SMAD9: variants seen among roughly 807,000 people sequenced by gnomAD.
SMAD9 encodes SMAD family member 9.
In SMAD9, 36 loss-of-function variants were observed where a neutral mutation model predicts 46.1. That is an observed-to-expected ratio of 0.78 (90% CI 0.60 to 1.03). SMAD9 has a LOEUF of 1.03. Among genes scored for constraint, SMAD9 ranks in the 50% least tolerant of loss-of-function variants. The pLI, the probability that SMAD9 is intolerant of heterozygous loss-of-function variation, is 0.00. For synonymous variants in SMAD9, 245 were observed against 237.1 expected, an observed-to-expected ratio of 1.03 and a Z score of -0.31; for missense variants, 572 against 599.8, an observed-to-expected ratio of 0.95 and a Z score of 0.48.
intron 1 of SMAD9, among the ~76,000 whole-genome samples, chr13:36,882,103 TG>T (rs1555241880): frequency 6.6e-6 from 1 of 152,260 alleles, no homozygotes; most frequent in African/African-American, 2.4e-5. Context: ...GTGAAATCAA[TG>T]AATTGGAACA....
intron 3 of SMAD9, among the ~76,000 whole-genome samples, chr13:36,869,332 C>T (rs547634989): frequency 2.6e-5 from 4 of 152,034 alleles, no homozygotes; most frequent in South Asian, 4.2e-4. Flanking sequence ...AAGCGATTCT[C>T]GTGCCTCAGT....
intron 1 of SMAD9, among the ~76,000 whole-genome samples, chr13:36,883,391 T>C (rs1279419402): frequency 6.6e-6 from 1 of 152,134 alleles, no homozygotes; most frequent in Non-Finnish European, 1.5e-5. Flanking sequence ...GGGCGGAAAG[T>C]CTGGAAAGAT....
rs150572172 is a variant in SMAD9, at chr13:36,872,773, C to T, written c.555G>A (p.Pro185=). The T allele has an allele frequency of 5.9e-5, 95 of 1,613,802 alleles. No individual in the cohort carries two copies. Among genetic ancestry groups the T allele is most frequent in the Middle Eastern group, 1.6e-4 (1 of 6,084 alleles). The stretch of plus-strand genomic sequence containing the variant: ...TGGGTGAGGGAGGGAGTGCAGAGCA[C>T]GGAGGCTGCTGGAAAGAGTCAGGAT... ...ATYPDSFQQP[P]CSALPPSPSH... The change falls in exon 3 of 7, where the codon CCG becomes CCA. Residue 185 remains proline (P), a synonymous_variant. Coordinates refer to ENST00000379826, the MANE Select transcript of SMAD9 (RefSeq NM_001127217.3).
At chr13:36,909,381 A>G (rs2058642558) in intron 1 of SMAD9, among the ~76,000 whole-genome samples, 1 of 152,238 alleles carries the variant, frequency 6.6e-6, no homozygotes, top group African/African-American at 2.4e-5. Context: ...CATTTCAGTG[A>G]TAAGCCAACA....
chr13:36,911,615 T>TGGGGGGG (rs11322701), intron 1 of SMAD9, among the ~76,000 whole-genome samples: 26 of 84,332 alleles, frequency 3.1e-4, no homozygotes, highest in Non-Finnish European at 5.6e-4. Context: ...AAAGGCTGCC[T>TGGGGGGG]GGGGGGGGGG....
intron 2 of SMAD9, 47 bp downstream of exon 2, chr13:36,879,231 C>T (rs775795976): frequency 3.9e-6 from 6 of 1,542,130 alleles, no homozygotes; most frequent in Non-Finnish European, 5.4e-6. Flanking sequence ...ATGGGGCACA[C>T]GACCTTCACT....
Position 36,859,400 on chromosome 13 carries a change from C to T in SMAD9, c.1004-5725G>A, listed in dbSNP as rs553465301. ...AGACCTACTGGGCTGCATTCCCAGA[C>T]GGGTAGGCATTCTAAGTCATAGGAT... On this transcript the variant is annotated intron_variant, in intron 5 of 6. Transcript: ENST00000379826. 5.3e-5 allele frequency among the ~76,000 whole-genome samples: 8 copies of T among 152,220 alleles called. No individual in the cohort carries two copies. In the East Asian group the frequency reaches 5.8e-4, roughly 11 times the overall value.
Position 36,879,818 on chromosome 13 carries a change from A to G in SMAD9, c.-129T>C. The G allele has an allele frequency of 9.8e-7, 1 of 1,017,770 alleles. No homozygotes were observed. Among genetic ancestry groups the G allele is most frequent in the African/African-American group, 1.6e-5 (1 of 63,384 alleles). 63.0% of individuals were successfully genotyped at this position (1,017,770 alleles called of 1,614,324 possible). The stretch of plus-strand genomic sequence containing the variant: ...CGTTCTTCTGGGAGCAGCTGGGACC[A>G]ATTCAAGTTGCGAAGTGTGTTGACT... On this transcript the variant is annotated 5_prime_UTR_variant, in exon 2 of 7. Transcript: ENST00000379826.
chr13:36,856,611 G>T (rs2058127954), intron 5 of SMAD9, among the ~76,000 whole-genome samples: 1 of 152,146 alleles, frequency 6.6e-6, no homozygotes, highest in Non-Finnish European at 1.5e-5. Flanking sequence ...AGTCAAGTAG[G>T]CCAACAATGT....
intron 6 of SMAD9, among the ~76,000 whole-genome samples, chr13:36,852,815 ATC>A (rs531249320): frequency 5.0e-4 from 76 of 152,316 alleles, no homozygotes; most frequent in African/African-American, 1.5e-3. Context: ...GATGGAAAAA[ATC>A]TCTGTTGCAC....
rs1273201070 is a variant in SMAD9, at chr13:36,894,583, G to C, written c.-186-14708C>G. ...GAGTAGCCCAAGAATGAAATTATTC[G>C]TTATAGACTAGAAACTCTTTCCTGG... On this transcript the variant is annotated intron_variant, in intron 1 of 6. Coordinates refer to ENST00000379826, the MANE Select transcript of SMAD9 (RefSeq NM_001127217.3). 2.0e-5 allele frequency among the ~76,000 whole-genome samples: 3 copies of C among 152,166 alleles called. No homozygotes were observed. In the South Asian group the frequency reaches 6.2e-4, roughly 32 times the overall value.
intron 6 of SMAD9, chr13:36,852,590 A>G (rs1198903090): frequency 1.0e-5 from 10 of 983,314 alleles, no homozygotes; most frequent in Non-Finnish European, 1.1e-5. Context: ...TGAATTAATC[A>G]CACCCGTTTC....
intron 6 of SMAD9, among the ~76,000 whole-genome samples, chr13:36,853,174 A>G (rs1403372880): frequency 6.6e-6 from 1 of 152,052 alleles, no homozygotes; most frequent in Non-Finnish European, 1.5e-5. Flanking sequence ...AGTCCCAGCT[A>G]CCCGGGAGGC....
At chr13:36,884,889 A>G (rs2058432279) in intron 1 of SMAD9, among the ~76,000 whole-genome samples, 1 of 152,246 alleles carries the variant, frequency 6.6e-6, no homozygotes, top group African/African-American at 2.4e-5. Context: ...GGCCTCCATC[A>G]CCTACCAGGG....
At chr13:36,890,714 C>T (rs1237105793) in intron 1 of SMAD9, among the ~76,000 whole-genome samples, 1 of 152,108 alleles carries the variant, frequency 6.6e-6, no homozygotes, top group East Asian at 1.9e-4. Context: ...TTTTTAAACT[C>T]TGATGCCTGC....
In SMAD9 at chr13:36,879,815, A is replaced by G; in HGVS notation, c.-126T>C. The G allele has an allele frequency of 9.4e-7, 1 of 1,063,382 alleles. No individual in the cohort carries two copies. Among genetic ancestry groups the G allele is most frequent in the East Asian group, 2.4e-5 (1 of 41,182 alleles). The allele number at this position is 1,063,382 out of a possible 1,614,324, so 65.9% of individuals were successfully genotyped here. A position where few individuals can be genotyped will look rare whatever the true frequency, so the allele number is the denominator to read the frequency against. ...GCCCGTTCTTCTGGGAGCAGCTGGG[A>G]CCAATTCAAGTTGCGAAGTGTGTTG... On this transcript the variant is annotated 5_prime_UTR_variant, in exon 2 of 7. Transcript: ENST00000379826.
intron 4 of SMAD9, among the ~76,000 whole-genome samples, chr13:36,866,548 T>G (rs1228826435): frequency 6.6e-6 from 1 of 152,198 alleles, no homozygotes; most frequent in Non-Finnish European, 1.5e-5. Flanking sequence ...CATTCTTGCA[T>G]CTAGAGTGTG....
At position 36,852,523 on chromosome 13, in the gene SMAD9, T is replaced by C; in HGVS notation, c.1260+896A>G. ...TCTCCAGCCTTCATAGCAACCTTAA[T>C]AAGATTCGATATGAGAAATTCAACA... is the stretch of plus-strand genomic sequence containing the variant. On this transcript the variant is annotated intron_variant, in intron 6 of 6. Coordinates refer to ENST00000379826, the MANE Select transcript of SMAD9 (RefSeq NM_001127217.3). 4 of 984,770 alleles carry C rather than the reference T, an allele frequency of 4.1e-6. No individual in the cohort carries two copies. In the South Asian group the frequency reaches 1.9e-4, roughly 46 times the overall value. The allele number at this position is 984,770 out of a possible 1,614,324, so 61.0% of individuals were successfully genotyped here. A position where few individuals can be genotyped will look rare whatever the true frequency, so the allele number is the denominator to read the frequency against.
At position 36,845,112 on chromosome 13, in the gene SMAD9, G is replaced by GTGTATA. The variant is rs757843262; in HGVS notation, c.*3558_*3563dup. On this transcript the variant is annotated 3_prime_UTR_variant, in exon 7 of 7. Coordinates refer to ENST00000379826, the MANE Select transcript of SMAD9 (RefSeq NM_001127217.3). ...TTGTTGAATATATATGTGTGTGTGTGTGTATATATATATATATATATACAC... is the reference window on the plus strand; with the variant it reads ...TTGTTGAATATATATGTGTGTGTGTGTGTATATGTATATATATATATATATATACAC... The GTGTATA allele has an allele frequency of 1.4e-5, 1 of 70,770 alleles. No individual in the cohort carries two copies. Among genetic ancestry groups the GTGTATA allele is most frequent in the Non-Finnish European group, 2.7e-5 (1 of 37,088 alleles). 4.4% of individuals were successfully genotyped at this position (70,770 alleles called of 1,614,324 possible). A position where few individuals can be genotyped will look rare whatever the true frequency, so the allele number is the denominator to read the frequency against.
Sources: allele counts gnomAD v4.1 joint callset (sites outside exome capture counted in the v4.1 genomes callset), GRCh38; gene constraint gnomAD v4.1.1; transcripts MANE v1.5; gene names NCBI Gene and HGNC (gene_info 2026-07-23, HGNC 2026-07-21).